Variants in C19orf47 observed in about 807,000 individuals in gnomAD.
C19orf47 encodes the protein chromosome 19 open reading frame 47.
A neutral mutation model predicts 32.3 loss-of-function variants in C19orf47; 18 were observed. The ratio of observed to expected loss-of-function variants is 0.56; its 90% CI spans 0.39 to 0.83. The LOEUF is 0.83. C19orf47 is among the 40% of genes least tolerant of loss of function. The pLI is 0.00. For missense variants in C19orf47, 484 were observed against 531.6 expected, an observed-to-expected ratio of 0.91 and a Z score of 0.88; for synonymous variants, 202 against 211.1, an observed-to-expected ratio of 0.96 and a Z score of 0.37.
the C19orf47 span, among the ~76,000 whole-genome samples, chr19:40,307,399 GTGTT>G: frequency 6.6e-6 from 1 of 152,038 alleles, no homozygotes; most frequent in East Asian, 1.9e-4. Context: ...CCGAGCAGGT[GTGTT>G]TGTTTGTTGT....
chr19:40,321,371 C>G lies in C19orf47; in HGVS notation c.*511G>C, dbSNP rs1336249992. Reference sequence around the variant, plus strand: ...CGGGCCTTGCCACGGGGACAGAAAACAGAAGAGAAATGAACAAAGTGAAGA... The same window carrying G: ...CGGGCCTTGCCACGGGGACAGAAAAGAGAAGAGAAATGAACAAAGTGAAGA... On this transcript the variant is annotated 3_prime_UTR_variant, in exon 9 of 9. Transcript: ENST00000683109. 8 of 988,398 alleles carry G rather than the reference C, an allele frequency of 8.1e-6. No individual in the cohort carries two copies. Among genetic ancestry groups the G allele is most frequent in the Non-Finnish European group, 9.6e-6 (8 of 831,998 alleles). The allele number at this position is 988,398 out of a possible 1,614,324, so 61.2% of individuals were successfully genotyped here. A position where few individuals can be genotyped will look rare whatever the true frequency, so the allele number is the denominator to read the frequency against.
chr19:40,340,283 T>C (rs2145604777), intron 2 of C19orf47, among the ~76,000 whole-genome samples: 1 of 152,088 alleles, frequency 6.6e-6, no homozygotes. Context: ...CTCAGAACCC[T>C]TTATATTACC....
the C19orf47 span, among the ~76,000 whole-genome samples, chr19:40,304,478 C>A: frequency 1.3e-5 from 2 of 152,184 alleles, no homozygotes; most frequent in African/African-American, 2.4e-5. Context: ...ACGCCCAGAT[C>A]TATTCTTCTG....
At chr19:40,293,528 C>T in the C19orf47 span, among the ~76,000 whole-genome samples, 2 of 151,602 alleles carry the variant, frequency 1.3e-5, no homozygotes, top group African/African-American at 4.8e-5. Flanking sequence ...TGCAATGATG[C>T]GATCTTGGCT....
Position 40,331,612 on chromosome 19 carries a change from TG to T in C19orf47, c.301+2238del, listed in dbSNP as rs559421950. Among the ~76,000 whole-genome samples, 15 of 125,356 alleles carry T rather than the reference TG, an allele frequency of 1.2e-4. No individual in the cohort carries two copies. The South Asian group carries it at 2.1e-3, about 17-fold the overall frequency. The allele number at this position is 125,356 out of a possible 152,430, so 82.2% of individuals were successfully genotyped here. A position where few individuals can be genotyped will look rare whatever the true frequency, so the allele number is the denominator to read the frequency against. On this transcript the variant is annotated intron_variant, in intron 5 of 8. Transcript: ENST00000683109. Reference sequence around the variant, plus strand: ...ATGACTGCACCACTACACTCCAGCCTGGGCAACAGAGTGAGACTCCCATCTC... The same window carrying T: ...ATGACTGCACCACTACACTCCAGCCTGGCAACAGAGTGAGACTCCCATCTC...
the C19orf47 span, among the ~76,000 whole-genome samples, chr19:40,313,930 C>CAA: frequency 7.8e-6 from 1 of 128,630 alleles, no homozygotes; most frequent in Non-Finnish European, 1.7e-5. Flanking sequence ...GACTCTGTCT[C>CAA]AAAAAAAAAA....
intron 6 of C19orf47, 75 bp from the exon 7 acceptor site, chr19:40,326,561 T>C: frequency 1.3e-6 from 2 of 1,523,670 alleles, no homozygotes; most frequent in East Asian, 2.3e-5. Context: ...GGACACTAGG[T>C]GTCCTTTATC....
At chr19:40,293,612 A>G in the C19orf47 span, among the ~76,000 whole-genome samples, 2 of 151,382 alleles carry the variant, frequency 1.3e-5, no homozygotes, top group Non-Finnish European at 2.9e-5. Flanking sequence ...ATTACAGGCA[A>G]GTGCCACCAC....
At chr19:40,327,341 A>ACAGGGTTT (rs1417798520) in intron 6 of C19orf47, among the ~76,000 whole-genome samples, 1 of 143,322 alleles carries the variant, frequency 7.0e-6, no homozygotes, top group Non-Finnish European at 1.5e-5. Context: ...AAATGTAGAG[A>ACAGGGTTT]CAGGGTTTCA....
chr19:40,330,999 T>A (rs1248522716), intron 5 of C19orf47, among the ~76,000 whole-genome samples: 1 of 152,216 alleles, frequency 6.6e-6, no homozygotes, highest in Non-Finnish European at 1.5e-5. Flanking sequence ...GGGTGTCCCA[T>A]CTGTGAATGG....
chr19:40,345,372 A>G (rs905841860), intron 1 of C19orf47, among the ~76,000 whole-genome samples: 2 of 151,918 alleles, frequency 1.3e-5, no homozygotes, highest in Admixed American at 6.6e-5. Context: ...AAGTAGCTTA[A>G]CCTTTCTGAC....
intron 2 of C19orf47, among the ~76,000 whole-genome samples, chr19:40,341,088 C>T (rs1340283270): frequency 6.6e-6 from 1 of 151,844 alleles, no homozygotes; most frequent in African/African-American, 2.4e-5. Flanking sequence ...AATCCCAGCA[C>T]TTAGGGAGGC....
the C19orf47 span, among the ~76,000 whole-genome samples, chr19:40,300,023 C>T: frequency 1.3e-5 from 2 of 151,322 alleles, no homozygotes; most frequent in Admixed American, 6.6e-5. Context: ...AGCGAAACTC[C>T]ATCTGAAAAA....
At position 40,336,139 on chromosome 19, in the gene C19orf47, G is replaced by A. The variant is rs1196523837; in HGVS notation, c.193C>T (p.Leu65Phe). The change falls in exon 4 of 9, where the codon CTC (leucine) becomes TTC (phenylalanine). Residue 65 changes from leucine to phenylalanine, a missense_variant. By Grantham distance (22) the Leu-to-Phe change is conservative. Around this residue, in one of 3 missense-constraint regions of C19orf47, gnomAD observed 57 missense variants for 86.9 expected, o/e 0.66. Coordinates refer to ENST00000683109, the MANE Select transcript of C19orf47 (RefSeq NM_001256441.2). ...VTVVGDIIAILKHAKVVHRQD... is the reference protein window; with the variant it reads ...VTVVGDIIAIFKHAKVVHRQD... ...CGGTGCACCACTTTGGCATGCTTGAGAATGGCGATGATGTCACCCACCACG... is the reference window on the plus strand; with the variant it reads ...CGGTGCACCACTTTGGCATGCTTGAAAATGGCGATGATGTCACCCACCACG... The A allele has an allele frequency of 1.2e-6, 2 of 1,614,222 alleles. No individual in the cohort carries two copies. Among genetic ancestry groups the A allele is most frequent in the Non-Finnish European group, 1.7e-6 (2 of 1,180,044 alleles).
At chr19:40,305,596 A>G in the C19orf47 span, among the ~76,000 whole-genome samples, 13 of 152,148 alleles carry the variant, frequency 8.5e-5, no homozygotes, top group Non-Finnish European at 1.5e-4. Flanking sequence ...CGGGACCATT[A>G]TATTTGAACA....
downstream of C19orf47, among the ~76,000 whole-genome samples, chr19:40,314,610 C>A (rs2077650185): frequency 6.6e-6 from 1 of 152,122 alleles, no homozygotes; most frequent in East Asian, 1.9e-4. Flanking sequence ...GACTAAGTTA[C>A]TAAATGAGGA....
chr19:40,317,964 C>T (rs2077674313), downstream of C19orf47, among the ~76,000 whole-genome samples: 1 of 152,134 alleles, frequency 6.6e-6, no homozygotes, highest in Non-Finnish European at 1.5e-5. Context: ...AAGTGATCCA[C>T]CTGCCTCAGC....
At chr19:40,323,929 G>T in intron 8 of C19orf47, 77 bp downstream of exon 8, 1 of 1,552,444 alleles carries the variant, frequency 6.4e-7, no homozygotes, top group Non-Finnish European at 8.9e-7. Context: ...AGGTTGAGAT[G>T]TGTTAAAGAG....
intron 2 of C19orf47, among the ~76,000 whole-genome samples, chr19:40,337,879 C>T (rs781658132): frequency 1.4e-4 from 22 of 152,120 alleles, no homozygotes; most frequent in Non-Finnish European, 3.1e-4. Context: ...GGTACCATTT[C>T]CCTATGTTGT....
Sources: allele counts gnomAD v4.1 joint callset (sites outside exome capture counted in the v4.1 genomes callset), GRCh38; gene constraint gnomAD v4.1.1; regional missense constraint gnomAD v4.1.1; transcripts MANE v1.5; gene names NCBI Gene and HGNC (gene_info 2026-07-23, HGNC 2026-07-21).